SAXO1: variants seen among roughly 807,000 people sequenced by gnomAD.
The protein encoded by SAXO1 is 4930500O09Rik.
Under a neutral mutation model 17.5 loss-of-function variants are expected in SAXO1, and 21 were observed. The observed-to-expected ratio is 1.20, with a 90% CI of 0.85 to 1.72. The LOEUF is 1.72. Among genes scored for constraint, SAXO1 ranks in the 40% most tolerant of loss-of-function variants. The pLI is 0.00. For synonymous variants in SAXO1, 274 were observed against 216.5 expected (o/e 1.27, Z -2.33); for missense variants, 843 against 596.0 (o/e 1.41, Z -4.32).
intron 1 of SAXO1, among the ~76,000 whole-genome samples, chr9:18,978,033 C>T (rs4129687): frequency 0.024 from 3,349 of 137,026 alleles, 140 homozygotes; most frequent in African/African-American, 0.076. Context: ...AAGTCCAAAA[C>T]GATTGTTCCA....
At chr9:18,998,441 G>C (rs1013513334) in intron 1 of SAXO1, among the ~76,000 whole-genome samples, 5 of 152,112 alleles carry the variant, frequency 3.3e-5, no homozygotes, top group Non-Finnish European at 7.4e-5. Flanking sequence ...AATGAACAAA[G>C]CCTCCAAGAA....
At chr9:19,038,611 G>A (rs1396557152) in intron 1 of SAXO1, among the ~76,000 whole-genome samples, 1 of 112,524 alleles carries the variant, frequency 8.9e-6, no homozygotes, top group Admixed American at 1.2e-4. Flanking sequence ...CTGTTGTGGG[G>A]TGGGGGGAGG....
chr9:19,038,857 CT>C (rs2131067457), intron 1 of SAXO1, among the ~76,000 whole-genome samples: 1 of 151,980 alleles, frequency 6.6e-6, no homozygotes, highest in Non-Finnish European at 1.5e-5. Context: ...AAAATGGTAA[CT>C]TGAATATCTT....
intron 1 of SAXO1, among the ~76,000 whole-genome samples, chr9:18,990,639 C>T (rs1356951386): frequency 6.6e-6 from 1 of 152,124 alleles, no homozygotes; most frequent in Non-Finnish European, 1.5e-5. Flanking sequence ...CCAGGCTGCA[C>T]AGCAGAAGGT....
chr9:18,979,832 C>A (rs1479608127), intron 1 of SAXO1, among the ~76,000 whole-genome samples: 1 of 152,134 alleles, frequency 6.6e-6, no homozygotes, highest in Non-Finnish European at 1.5e-5. Flanking sequence ...AAGAGAAAGA[C>A]CTCATTTTTC....
intron 1 of SAXO1, among the ~76,000 whole-genome samples, chr9:19,020,717 T>A (rs566900487): frequency 1.3e-5 from 2 of 152,312 alleles, no homozygotes; most frequent in Non-Finnish European, 2.9e-5. Context: ...CTTCTCACTT[T>A]GTGTTCTCAG....
intron 3 of SAXO1, among the ~76,000 whole-genome samples, chr9:18,938,637 G>A: frequency 6.6e-6 from 1 of 152,014 alleles, no homozygotes; most frequent in East Asian, 1.9e-4. Flanking sequence ...ATTTCATGGG[G>A]GCAGAGACCC....
At chr9:18,967,590 T>TC (rs902104392) in intron 1 of SAXO1, among the ~76,000 whole-genome samples, 1 of 152,096 alleles carries the variant, frequency 6.6e-6, no homozygotes, top group African/African-American at 2.4e-5. Context: ...TGGATGCCCC[T>TC]CCCCCAACCA....
Position 18,928,662 on chromosome 9 carries a change from G to A in SAXO1, c.815C>T (p.Thr272Ile). 1.2e-6 allele frequency: 2 copies of A among 1,614,150 alleles called. No homozygotes were observed. The highest frequency in any genetic ancestry group is 1.7e-6 in the Non-Finnish European group (2 of 1,180,038). ...AGCTTGGTACTTATCTCGAAACTCA[G>A]TGGTGTTACAGAAAGGCATGTCTAG... ...PGLDMPFCNT[T>I]EFRDKYQAWP... The change falls in exon 4 of 4, where the codon ACT (threonine) becomes ATT (isoleucine). Residue 272 changes from threonine to isoleucine, a missense_variant. Physicochemically the swap from Thr to Ile is moderately conservative, Grantham distance 89 (BLOSUM62 -1). Coordinates refer to ENST00000380534, the MANE Select transcript of SAXO1 (RefSeq NM_153707.4).
chr9:18,966,916 G>C (rs1418604899), intron 1 of SAXO1, among the ~76,000 whole-genome samples: 1 of 152,156 alleles, frequency 6.6e-6, no homozygotes, highest in African/African-American at 2.4e-5. Context: ...GTGACCTTTG[G>C]ATGGAGTTTT....
chr9:19,014,638 T>C (rs1371635169), intron 1 of SAXO1, among the ~76,000 whole-genome samples: 1 of 152,080 alleles, frequency 6.6e-6, no homozygotes, highest in Admixed American at 6.5e-5. Flanking sequence ...ACTTTGAAAC[T>C]ACAAGATGCT....
At chr9:18,958,193 G>A (rs1308065515) in intron 1 of SAXO1, among the ~76,000 whole-genome samples, 3 of 152,180 alleles carry the variant, frequency 2.0e-5, no homozygotes, top group African/African-American at 7.2e-5. Context: ...GGAGGCTGAG[G>A]TGGGTGAATC....
chr9:18,962,860 C>T (rs113334251), intron 1 of SAXO1, among the ~76,000 whole-genome samples: 8 of 152,240 alleles, frequency 5.3e-5, no homozygotes, highest in East Asian at 1.9e-4. Context: ...GTTTTAGTCA[C>T]GAAGTCTTTG....
intron 1 of SAXO1, among the ~76,000 whole-genome samples, chr9:19,042,798 G>GT (rs1836108818): frequency 6.6e-6 from 1 of 151,982 alleles, no homozygotes; most frequent in African/African-American, 2.4e-5. Flanking sequence ...GGAGGCGGAG[G>GT]TTGTGTTGAG....
chr9:18,962,569 T>C (rs1162486627), intron 1 of SAXO1, among the ~76,000 whole-genome samples: 10 of 152,234 alleles, frequency 6.6e-5, no homozygotes, highest in Non-Finnish European at 1.2e-4. Flanking sequence ...TGTTCTCCCA[T>C]TCAGTAGGTT....
intron 1 of SAXO1, among the ~76,000 whole-genome samples, chr9:19,011,435 C>T (rs1834727430): frequency 6.6e-6 from 1 of 152,164 alleles, no homozygotes; most frequent in Non-Finnish European, 1.5e-5. Context: ...GAGACACGCC[C>T]GATGCACATG....
intron 1 of SAXO1, among the ~76,000 whole-genome samples, chr9:19,041,085 A>C (rs1456144620): frequency 6.6e-6 from 1 of 151,444 alleles, no homozygotes; most frequent in Non-Finnish European, 1.5e-5. Flanking sequence ...TGATCAACAA[A>C]TACAGTAACA....
At chr9:18,960,258 C>T (rs898605167) in intron 1 of SAXO1, among the ~76,000 whole-genome samples, 38 of 152,190 alleles carry the variant, frequency 2.5e-4, no homozygotes, top group Non-Finnish European at 5.0e-4. Flanking sequence ...GGCCTCATCA[C>T]CTCAGAGGGA....
chr9:18,957,188 C>T (rs1358038358), intron 1 of SAXO1, among the ~76,000 whole-genome samples: 7 of 152,204 alleles, frequency 4.6e-5, no homozygotes, highest in African/African-American at 1.7e-4. Context: ...TATCCCAATA[C>T]AGACCAACAA....
Sources: gnomAD v4.1 joint callset for allele counts (sites outside exome capture counted in the v4.1 genomes callset) on GRCh38, gnomAD v4.1.1 for gene constraint, MANE v1.5 for transcripts, NCBI Gene and HGNC (gene_info 2026-07-23, HGNC 2026-07-21) for gene names.